ZFAND3: variants seen among roughly 807,000 people sequenced by gnomAD.
ZFAND3 encodes AN1-type zinc finger protein 3.
In ZFAND3, 10 loss-of-function variants were observed where a neutral mutation model predicts 29.6. The observed-to-expected ratio is 0.34, with a 90% CI of 0.21 to 0.57. The LOEUF is 0.57. Among genes scored for constraint, ZFAND3 ranks in the 20% least tolerant of loss-of-function variants. The pLI is 0.86. For synonymous variants in ZFAND3, 128 were observed against 112.6 expected (o/e 1.14, Z -0.87); for missense variants, 230 against 304.5 (o/e 0.76, Z 1.82).
chr6:37,925,483 A>G (rs910977247), intron 1 of ZFAND3, among the ~76,000 whole-genome samples: 36 of 152,256 alleles, frequency 2.4e-4, no homozygotes, highest in African/African-American at 8.4e-4. Flanking sequence ...TGGGCGGATC[A>G]CCTGAGGTCA....
intron 2 of ZFAND3, among the ~76,000 whole-genome samples, chr6:38,009,777 G>T (rs2127443109): frequency 6.6e-6 from 1 of 152,282 alleles, no homozygotes; most frequent in South Asian, 2.1e-4. Flanking sequence ...ATGACTGGTG[G>T]TTACCGTTGC....
At chr6:37,828,947 G>T (rs1256424290) in intron 1 of ZFAND3, among the ~76,000 whole-genome samples, 1 of 152,158 alleles carries the variant, frequency 6.6e-6, no homozygotes, top group Admixed American at 6.5e-5. Context: ...ACTATGCCCG[G>T]CCTGGATGGT....
intron 2 of ZFAND3, among the ~76,000 whole-genome samples, chr6:38,009,542 G>A (rs1330092554): frequency 1.3e-5 from 2 of 152,280 alleles, no homozygotes; most frequent in East Asian, 3.9e-4. Context: ...GTCTACAAGA[G>A]CTTGCCAAAA....
chr6:37,938,748 C>T (rs1394230646), intron 2 of ZFAND3, among the ~76,000 whole-genome samples: 1 of 152,100 alleles, frequency 6.6e-6, no homozygotes, highest in African/African-American at 2.4e-5. Context: ...ATACATGAAG[C>T]AGTGTGTTAA....
chr6:38,058,571 A>G (rs892503079), intron 2 of ZFAND3, among the ~76,000 whole-genome samples: 1 of 152,232 alleles, frequency 6.6e-6, no homozygotes, highest in African/African-American at 2.4e-5. Flanking sequence ...TCACCTTAGC[A>G]GTTACTAACT....
intron 3 of ZFAND3, among the ~76,000 whole-genome samples, chr6:38,076,253 A>C (rs1215700369): frequency 6.6e-6 from 1 of 152,138 alleles, no homozygotes; most frequent in Non-Finnish European, 1.5e-5. Context: ...TGTTTCTTGG[A>C]CATCATGCTG....
chr6:38,062,729 A>G (rs1392341124), intron 3 of ZFAND3: 1 of 152,100 alleles, frequency 6.6e-6, no homozygotes, highest in Non-Finnish European at 1.5e-5. Context: ...TCCATCCCCC[A>G]TCCCTGGCGG....
intron 1 of ZFAND3, among the ~76,000 whole-genome samples, chr6:37,870,904 G>A (rs1279062827): frequency 6.6e-6 from 1 of 152,114 alleles, no homozygotes; most frequent in African/African-American, 2.4e-5. Flanking sequence ...CTCTGTTTTA[G>A]CAGTTTTGTC....
chr6:37,896,788 C>T (rs1240036942), intron 1 of ZFAND3, among the ~76,000 whole-genome samples: 2 of 150,952 alleles, frequency 1.3e-5, no homozygotes. Flanking sequence ...CTTCTCTTGC[C>T]CTGCTGTGTT....
At chr6:37,832,286 G>A (rs1163526565) in intron 1 of ZFAND3, among the ~76,000 whole-genome samples, 1 of 152,172 alleles carries the variant, frequency 6.6e-6, no homozygotes, top group Admixed American at 6.5e-5. Flanking sequence ...TGGTGGTAAA[G>A]GAGAAGAGAG....
At chr6:38,013,562 T>G (rs2127444748) in intron 2 of ZFAND3, among the ~76,000 whole-genome samples, 1 of 152,332 alleles carries the variant, frequency 6.6e-6, no homozygotes, top group East Asian at 1.9e-4. Context: ...TATTGGAAGC[T>G]TCTACCTGCC....
intron 1 of ZFAND3, among the ~76,000 whole-genome samples, chr6:37,827,414 A>G (rs1245857358): frequency 1.3e-5 from 2 of 152,188 alleles, no homozygotes; most frequent in Non-Finnish European, 1.5e-5. Flanking sequence ...TTGAAAGTTG[A>G]TAGGTTGTAG....
chr6:38,135,393 G>A lies in ZFAND3; in HGVS notation c.530-16842G>A, dbSNP rs550262893. Among the ~76,000 whole-genome samples the A allele has an allele frequency of 1.1e-4, 16 of 152,328 alleles. 1 individual carries two copies. The highest frequency in any genetic ancestry group is 3.3e-4 in the Admixed American group (5 of 15,306). ...AAATTTCTCACCTTTCTACATCTCC[G>A]TGTTTTGTGCAGGCATCCCCATCCA... is the stretch of plus-strand genomic sequence containing the variant. On this transcript the variant is annotated intron_variant, in intron 5 of 5. Coordinates refer to ENST00000287218, the MANE Select transcript of ZFAND3 (RefSeq NM_021943.3).
chr6:38,108,895 G>A (rs1264801429), intron 4 of ZFAND3, among the ~76,000 whole-genome samples: 1 of 152,178 alleles, frequency 6.6e-6, no homozygotes, highest in African/African-American at 2.4e-5. Flanking sequence ...TCTGAATGGA[G>A]TGTACACAGG....
chr6:37,877,671 A>C (rs1764818020), intron 1 of ZFAND3, among the ~76,000 whole-genome samples: 1 of 152,216 alleles, frequency 6.6e-6, no homozygotes, highest in African/African-American at 2.4e-5. Flanking sequence ...TACATGCTTG[A>C]TATTGCTTAC....
At chr6:37,959,773 GAATTA>G (rs1363592649) in intron 2 of ZFAND3, among the ~76,000 whole-genome samples, 2 of 152,082 alleles carry the variant, frequency 1.3e-5, no homozygotes, top group African/African-American at 4.8e-5. Context: ...TCTAGATCCA[GAATTA>G]AATTAAGACT....
At chr6:38,086,362 A>C (rs1312028478) in intron 4 of ZFAND3, among the ~76,000 whole-genome samples, 1 of 152,164 alleles carries the variant, frequency 6.6e-6, no homozygotes, top group Non-Finnish European at 1.5e-5. Context: ...CCCCACCCCT[A>C]CCATCTTTGT....
intron 1 of ZFAND3, among the ~76,000 whole-genome samples, chr6:37,889,230 T>C (rs1765051596): frequency 6.6e-6 from 1 of 152,170 alleles, no homozygotes; most frequent in Non-Finnish European, 1.5e-5. Context: ...CTTTCCTTCG[T>C]CTCTATTTTC....
chr6:37,871,728 C>T (rs1764698245), intron 1 of ZFAND3, among the ~76,000 whole-genome samples: 1 of 152,170 alleles, frequency 6.6e-6, no homozygotes, highest in Admixed American at 6.5e-5. Context: ...ATCACCTTTT[C>T]TCTTTGAGTA....
Sources: gnomAD v4.1 joint callset for allele counts (sites outside exome capture counted in the v4.1 genomes callset) on GRCh38, gnomAD v4.1.1 for gene constraint, MANE v1.5 for transcripts, NCBI Gene and HGNC (gene_info 2026-07-23, HGNC 2026-07-21) for gene names.